Variants in HTR1F observed in about 807,000 individuals in gnomAD.
The protein encoded by HTR1F is 5-hydroxytryptamine (serotonin) receptor 1F, G protein-coupled.
In HTR1F, 17 loss-of-function variants were observed where a neutral mutation model predicts 24.0. That is an observed-to-expected ratio of 0.71 (90% CI 0.48 to 1.06). HTR1F has a LOEUF of 1.06. Among genes scored for constraint, HTR1F ranks in the 50% least tolerant of loss-of-function variants. The pLI, the probability that HTR1F is intolerant of heterozygous loss-of-function variation, is 0.00. For synonymous variants in HTR1F, 186 were observed against 156.8 expected (o/e 1.19, Z -1.39); for missense variants, 391 against 427.8 (o/e 0.91, Z 0.76).
At chr3:87,849,122 G>A (rs1404987433) in intron 2 of HTR1F, among the ~76,000 whole-genome samples, 1 of 151,400 alleles carries the variant, frequency 6.6e-6, no homozygotes, top group Non-Finnish European at 1.5e-5. Flanking sequence ...AAGTTCATAT[G>A]GAACCAAAAA....
chr3:87,811,793 A>T (rs536376701), intron 1 of HTR1F, among the ~76,000 whole-genome samples: 2 of 152,266 alleles, frequency 1.3e-5, no homozygotes, highest in African/African-American at 4.8e-5. Flanking sequence ...TCTCCAAATG[A>T]TATGGTTTGG....
At chr3:87,911,213 G>T (rs1020839649) in intron 2 of HTR1F, among the ~76,000 whole-genome samples, 5 of 151,516 alleles carry the variant, frequency 3.3e-5, no homozygotes, top group African/African-American at 9.7e-5. Flanking sequence ...CAAGATAGTC[G>T]ACTAGCTAGA....
intron 2 of HTR1F, among the ~76,000 whole-genome samples, chr3:87,921,524 A>T (rs1704011694): frequency 6.6e-6 from 1 of 151,972 alleles, no homozygotes; most frequent in African/African-American, 2.4e-5. Flanking sequence ...GTAATGATCA[A>T]ATCAAGGTAA....
At chr3:87,928,952 T>C (rs1397960378) in intron 2 of HTR1F, among the ~76,000 whole-genome samples, 1 of 152,178 alleles carries the variant, frequency 6.6e-6, no homozygotes, top group Non-Finnish European at 1.5e-5. Context: ...CTGGTGATAA[T>C]GTGATAAGGG....
chr3:87,981,570 G>C (rs1705545201), intron 2 of HTR1F, among the ~76,000 whole-genome samples: 1 of 152,126 alleles, frequency 6.6e-6, no homozygotes, highest in South Asian at 2.1e-4. Flanking sequence ...ATAAACATCA[G>C]TTTCTATTAC....
chr3:87,921,293 A>C (rs1325928461), intron 2 of HTR1F, among the ~76,000 whole-genome samples: 1 of 152,004 alleles, frequency 6.6e-6, no homozygotes, highest in Non-Finnish European at 1.5e-5. Context: ...TCATGTGAGA[A>C]GTAGATTATA....
At chr3:87,955,225 T>C (rs1704918389) in intron 2 of HTR1F, among the ~76,000 whole-genome samples, 1 of 151,592 alleles carries the variant, frequency 6.6e-6, no homozygotes, top group South Asian at 2.1e-4. Context: ...CCTTTGTCTC[T>C]GGACTCTGGC....
At chr3:87,792,982 G>C (rs1009315308) in intron 1 of HTR1F, among the ~76,000 whole-genome samples, 140 bp downstream of exon 1, 1 of 152,244 alleles carries the variant, frequency 6.6e-6, no homozygotes, top group Non-Finnish European at 1.5e-5. Flanking sequence ...GGAAGCCGGC[G>C]CCAAGTCCTT....
intron 1 of HTR1F, among the ~76,000 whole-genome samples, chr3:87,808,987 T>C (rs1274755077): frequency 6.6e-6 from 1 of 151,814 alleles, no homozygotes; most frequent in Non-Finnish European, 1.5e-5. Context: ...TTTTAAAAGT[T>C]CATTGAGACT....
chr3:87,847,301 G>T (rs1379425536), intron 2 of HTR1F, among the ~76,000 whole-genome samples: 2 of 151,686 alleles, frequency 1.3e-5, no homozygotes, highest in Non-Finnish European at 2.9e-5. Context: ...GGTTCTATTT[G>T]ACAATATATA....
chr3:87,872,685 A>C (rs1705584250), intron 2 of HTR1F, among the ~76,000 whole-genome samples: 1 of 152,128 alleles, frequency 6.6e-6, no homozygotes, highest in Non-Finnish European at 1.5e-5. Flanking sequence ...AACAAATTGG[A>C]TAGCCTAGAA....
At chr3:87,981,556 A>G (rs1371031864) in intron 2 of HTR1F, among the ~76,000 whole-genome samples, 5 of 152,174 alleles carry the variant, frequency 3.3e-5, no homozygotes, top group African/African-American at 4.8e-5. Flanking sequence ...TCATAATCTC[A>G]GGAATAAACA....
intron 2 of HTR1F, among the ~76,000 whole-genome samples, chr3:87,828,418 C>A (rs1282120340): frequency 6.6e-6 from 1 of 152,188 alleles, no homozygotes; most frequent in Non-Finnish European, 1.5e-5. Context: ...TTGTCCACAA[C>A]AACAGGGAAT....
chr3:87,882,239 G>A (rs1202107374), intron 2 of HTR1F, among the ~76,000 whole-genome samples: 7 of 152,180 alleles, frequency 4.6e-5, no homozygotes, highest in East Asian at 1.9e-4. Context: ...TGGAGAAATA[G>A]GAACACTTTT....
intron 2 of HTR1F, among the ~76,000 whole-genome samples, chr3:87,836,662 C>T (rs899962272): frequency 6.6e-6 from 1 of 152,072 alleles, no homozygotes; most frequent in Non-Finnish European, 1.5e-5. Context: ...CTCAGAAAAG[C>T]TCACAGCACT....
chr3:87,879,355 A>G (rs1485746191), intron 2 of HTR1F, among the ~76,000 whole-genome samples: 1 of 152,184 alleles, frequency 6.6e-6, no homozygotes, highest in Non-Finnish European at 1.5e-5. Flanking sequence ...CTTAGTACTG[A>G]TGTATATGAA....
chr3:87,793,988 G>T (rs1041715913), intron 1 of HTR1F, among the ~76,000 whole-genome samples: 1 of 149,852 alleles, frequency 6.7e-6, no homozygotes, highest in Admixed American at 6.6e-5. Flanking sequence ...AAAAAAGAGA[G>T]AGAGAAAACA....
intron 2 of HTR1F, among the ~76,000 whole-genome samples, chr3:87,901,782 C>T (rs1311324129): frequency 6.6e-6 from 1 of 152,006 alleles, no homozygotes; most frequent in Non-Finnish European, 1.5e-5. Context: ...CTAGTTTCCT[C>T]TATCATCTGT....
intron 2 of HTR1F, among the ~76,000 whole-genome samples, chr3:87,836,909 T>A (rs575836763): frequency 6.6e-6 from 1 of 152,150 alleles, no homozygotes; most frequent in African/African-American, 2.4e-5. Flanking sequence ...ACTTTTATCT[T>A]TAAGTTATTA....
Sources: gnomAD v4.1 joint callset for allele counts (sites outside exome capture counted in the v4.1 genomes callset) on GRCh38, gnomAD v4.1.1 for gene constraint, MANE v1.5 for transcripts, NCBI Gene and HGNC (gene_info 2026-07-23, HGNC 2026-07-21) for gene names.